The following ULK4 variants were observed in gnomAD, a reference collection of about 807,000 sequenced individuals.
The protein encoded by ULK4 is unc-51 like kinase 4, also known as inactive serine/threonine-protein kinase ULK4.
ULK4 carries 133 observed loss-of-function variants against 160.6 expected under a neutral mutation model. The observed-to-expected ratio is 0.83, with a 90% CI of 0.72 to 0.96. The LOEUF is 0.96. ULK4 is among the 40% of genes least tolerant of loss of function. The pLI is 0.00. For missense variants in ULK4, 1,580 were observed against 1,499.5 expected (o/e 1.05, Z -0.89); for synonymous variants, 534 against 539.8 (o/e 0.99, Z 0.15).
intron 32 of ULK4, among the ~76,000 whole-genome samples, chr3:41,470,765 G>A (rs1441813373): frequency 6.6e-6 from 1 of 152,148 alleles, no homozygotes; most frequent in Non-Finnish European, 1.5e-5. Flanking sequence ...TAAGAAGTTA[G>A]CAGCTTGAAA....
intron 32 of ULK4, among the ~76,000 whole-genome samples, chr3:41,524,174 C>T (rs2086030448): frequency 6.6e-6 from 1 of 152,080 alleles, no homozygotes; most frequent in Non-Finnish European, 1.5e-5. Context: ...TCTGAGGTGA[C>T]AAAAATGTTC....
Position 41,834,327 on chromosome 3 carries a change from TATAAATATC to T in ULK4, c.1764+1528_1764+1536del, listed in dbSNP as rs2041690148. ...ACTACTTTTGTGCATTGGAGGACTATATAAATATCATAAAGATATCAATACTTTCCCAAT... is the reference window on the plus strand; with the variant it reads ...ACTACTTTTGTGCATTGGAGGACTATATAAAGATATCAATACTTTCCCAAT... On this transcript the variant is annotated intron_variant, in intron 18 of 36. Transcript: ENST00000301831. Among the ~76,000 whole-genome samples, 4 of 152,132 alleles carry T rather than the reference TATAAATATC, an allele frequency of 2.6e-5. No individual in the cohort carries two copies. The South Asian group carries it at 8.3e-4, about 31-fold the overall frequency.
chr3:41,407,965 T>G (rs9852140), intron 34 of ULK4, among the ~76,000 whole-genome samples: 87,832 of 151,880 alleles, frequency 0.58, 27,058 homozygotes, highest in African/African-American at 0.82. Flanking sequence ...GAACTTTTAG[T>G]ACAAATAAAC....
intron 35 of ULK4, among the ~76,000 whole-genome samples, chr3:41,375,315 G>C (rs765805261): frequency 2.4e-4 from 37 of 151,940 alleles, no homozygotes; most frequent in Admixed American, 2.4e-3. Flanking sequence ...AAAAGAGTCT[G>C]TATAGCCAAG....
intron 21 of ULK4, among the ~76,000 whole-genome samples, chr3:41,764,156 T>G (rs1419928593): frequency 1.3e-5 from 2 of 152,186 alleles, no homozygotes; most frequent in Non-Finnish European, 2.9e-5. Flanking sequence ...GTGTATAAAT[T>G]TAAAGAAAAT....
intron 35 of ULK4, among the ~76,000 whole-genome samples, chr3:41,326,624 G>T (rs551353598): frequency 3.3e-5 from 5 of 152,120 alleles, no homozygotes; most frequent in Admixed American, 2.6e-4. Flanking sequence ...AAAGAAAAAG[G>T]TTACCTGAAA....
intron 34 of ULK4, among the ~76,000 whole-genome samples, chr3:41,432,366 G>A (rs113922427): frequency 0.015 from 2,339 of 152,174 alleles, 48 homozygotes; most frequent in African/African-American, 0.054. Context: ...GTTTCTCTCC[G>A]ATGAACCAAT....
At chr3:41,543,563 C>A (rs1277330691) in intron 32 of ULK4, among the ~76,000 whole-genome samples, 1 of 152,094 alleles carries the variant, frequency 6.6e-6, no homozygotes, top group Non-Finnish European at 1.5e-5. Context: ...GTAGTCACAT[C>A]CTTTGTGGGA....
intron 11 of ULK4, among the ~76,000 whole-genome samples, chr3:41,909,946 G>C (rs1234319023): frequency 6.6e-6 from 1 of 151,870 alleles, no homozygotes; most frequent in African/African-American, 2.4e-5. Context: ...CCCCAGGCTG[G>C]AGCGCGATGG....
At chr3:41,274,699 G>T (rs1476547853) in intron 35 of ULK4, among the ~76,000 whole-genome samples, 2 of 152,058 alleles carry the variant, frequency 1.3e-5, no homozygotes, top group Admixed American at 1.3e-4. Context: ...AATTTTGGTG[G>T]GCTTGATTTA....
At chr3:41,255,729 CAAAT>C (rs1247464188) in intron 35 of ULK4, among the ~76,000 whole-genome samples, 1 of 149,178 alleles carries the variant, frequency 6.7e-6, no homozygotes, top group Non-Finnish European at 1.5e-5. Flanking sequence ...ATAAAACAAA[CAAAT>C]AAAAATGACA....
chr3:41,906,431 A>C (rs77164922), intron 12 of ULK4, among the ~76,000 whole-genome samples: 6,478 of 152,124 alleles, frequency 0.043, 424 homozygotes, highest in African/African-American at 0.15. Context: ...TGGCAGACTA[A>C]GGCAGGACGA....
intron 34 of ULK4, among the ~76,000 whole-genome samples, chr3:41,410,856 C>G (rs887606937): frequency 6.6e-6 from 1 of 152,156 alleles, no homozygotes; most frequent in Non-Finnish European, 1.5e-5. Flanking sequence ...TGCCATTCCC[C>G]CAAGTGTCTT....
At chr3:41,550,472 A>G (rs1448445058) in intron 32 of ULK4, among the ~76,000 whole-genome samples, 2 of 152,074 alleles carry the variant, frequency 1.3e-5, no homozygotes, top group Non-Finnish European at 2.9e-5. Context: ...ACCAAAAGCA[A>G]GCAAAAGTAG....
chr3:41,386,495 A>C (rs956525552), intron 35 of ULK4, among the ~76,000 whole-genome samples: 1 of 152,166 alleles, frequency 6.6e-6, no homozygotes, highest in African/African-American at 2.4e-5. Flanking sequence ...GGCAGGAAAG[A>C]AATGTTTGAA....
chr3:41,775,384 A>G lies in ULK4; in HGVS notation c.2193+14277T>C, dbSNP rs184812987. On this transcript the variant is annotated intron_variant, in intron 21 of 36. Transcript: ENST00000301831. ...TAATGAATATAAGAAAATAATATAT[A>G]TATGGTGACAACTCCTTTTTTTTTT... Among the ~76,000 whole-genome samples, 291 of 149,022 alleles carry G rather than the reference A, an allele frequency of 2.0e-3. 2 individuals carry two copies. The highest frequency in any genetic ancestry group is 5.2e-3 in the Admixed American group (79 of 15,078).
intron 7 of ULK4, among the ~76,000 whole-genome samples, chr3:41,917,918 C>T (rs1392215484): frequency 6.6e-6 from 1 of 151,956 alleles, no homozygotes; most frequent in Non-Finnish European, 1.5e-5. Context: ...ACCCGGGAGG[C>T]GGAGGTTGCA....
chr3:41,594,749 T>C (rs1011554029), intron 31 of ULK4, among the ~76,000 whole-genome samples: 2 of 151,992 alleles, frequency 1.3e-5, no homozygotes, highest in Admixed American at 6.6e-5. Flanking sequence ...TGTAAGAAAA[T>C]CAAATCTAGC....
intron 21 of ULK4, among the ~76,000 whole-genome samples, chr3:41,757,190 C>G (rs1357903780): frequency 6.6e-6 from 1 of 151,998 alleles, no homozygotes; most frequent in Non-Finnish European, 1.5e-5. Flanking sequence ...CTGATCTCTT[C>G]CATGTGGAAT....
Sources: allele counts gnomAD v4.1 joint callset (sites outside exome capture counted in the v4.1 genomes callset), GRCh38; gene constraint gnomAD v4.1.1; transcripts MANE v1.5; gene names NCBI Gene and HGNC (gene_info 2026-07-23, HGNC 2026-07-21).